ZNF699: variants seen among roughly 807,000 people sequenced by gnomAD.
ZNF699 encodes the protein zinc finger protein 699, also known as hangover homolog.
In ZNF699, 18 loss-of-function variants were observed where a neutral mutation model predicts 22.5. The observed-to-expected ratio is 0.80, with a 90% CI of 0.55 to 1.19. The LOEUF (loss-of-function observed/expected upper bound fraction) is 1.19, where lower values mean the gene tolerates loss of function less well. Among genes scored for constraint, ZNF699 ranks in the 50% most tolerant of loss-of-function variants. The pLI is 0.00. For synonymous variants in ZNF699, 241 were observed against 262.3 expected (o/e 0.92, Z 0.78); for missense variants, 670 against 763.4 (o/e 0.88, Z 1.44).
intron 1 of ZNF699, among the ~76,000 whole-genome samples, chr19:9,306,131 C>T (rs1429144787): frequency 5.9e-5 from 9 of 151,936 alleles, no homozygotes; most frequent in African/African-American, 1.7e-4. Context: ...TGGTGGCTCA[C>T]GCCTGTAATC....
In ZNF699 at chr19:9,296,943, A is replaced by C. The variant is rs2066289236; in HGVS notation, c.471-10T>G. ...CTCTACCATATGATTTCTTTTAAAA[A>C]TAAAAGACACATTATTAGTAATAAA... is the stretch of plus-strand genomic sequence containing the variant. On this transcript the variant is annotated splice_polypyrimidine_tract_variant and intron_variant, in intron 5 of 5. Transcript: ENST00000591998. The C allele has an allele frequency of 6.5e-7, 1 of 1,546,642 alleles. No individual in the cohort carries two copies. The highest frequency in any genetic ancestry group is 8.8e-7 in the Non-Finnish European group (1 of 1,138,538).
rs760025636 is a variant in ZNF699, at chr19:9,296,448, G to C, written c.956C>G (p.Ser319Cys). 6.2e-7 allele frequency: 1 copy of C among 1,613,750 alleles called. No homozygotes were observed. Among genetic ancestry groups the C allele is most frequent in the African/African-American group, 1.3e-5 (1 of 74,802 alleles). ...CKECGKAFSCSSSLSKHKRIH... is the reference protein window; with the variant it reads ...CKECGKAFSCCSSLSKHKRIH... The stretch of plus-strand genomic sequence containing the variant: ...TCTTTTGTGTTTGGAGAGTGAGGAG[G>C]AACAACTGAAGGCCTTCCCACATTC... The change falls in exon 6 of 6, where the codon TCC (serine) becomes TGC (cysteine). Residue 319 changes from serine (S) to cysteine (C), a missense_variant. Transcript: ENST00000591998.
In ZNF699 at chr19:9,298,013, C is replaced by G. The variant is rs144916883; in HGVS notation, c.176-23G>C. 151 of 1,473,116 alleles carry G rather than the reference C, an allele frequency of 1.0e-4. No individual in the cohort carries two copies. In the African/African-American group the frequency reaches 1.9e-3, roughly 18 times the overall value. The allele number at this position is 1,473,116 out of a possible 1,614,324, so 91.3% of individuals were successfully genotyped here. ...ACCCTGCACAAGCAGAAAGGCATAT[C>G]ACGAGGGAAAATAATGAAGAATCAC... is the stretch of plus-strand genomic sequence containing the variant. On this transcript the variant is annotated intron_variant, in intron 3 of 5. Transcript: ENST00000591998.
At chr19:9,299,582 C>T (rs920675899) in intron 3 of ZNF699, among the ~76,000 whole-genome samples, 3 of 152,040 alleles carry the variant, frequency 2.0e-5, no homozygotes, top group Admixed American at 2.0e-4. Context: ...GGACTACCAG[C>T]GCGTGCCCCC....
chr19:9,305,923 C>G (rs1021326189), intron 1 of ZNF699, among the ~76,000 whole-genome samples: 6 of 151,916 alleles, frequency 3.9e-5, no homozygotes, highest in African/African-American at 1.4e-4. Context: ...AGGATGGTGT[C>G]AATCTCCTGA....
chr19:9,300,320 T>C (rs896929505), intron 3 of ZNF699, among the ~76,000 whole-genome samples: 1 of 152,168 alleles, frequency 6.6e-6, no homozygotes, highest in African/African-American at 2.4e-5. Flanking sequence ...GACCTCGTGA[T>C]CCACCCGCCT....
chr19:9,301,130 A>G (rs2066305644), intron 3 of ZNF699, among the ~76,000 whole-genome samples: 1 of 142,018 alleles, frequency 7.0e-6, no homozygotes, highest in Admixed American at 6.9e-5. Flanking sequence ...AAAGCCTACA[A>G]AAAAAAAAGA....
rs755517613 is a variant in ZNF699, at chr19:9,296,848, G to T, written c.556C>A (p.Leu186Ile). Reference sequence around the variant, plus strand: ...GATTTTACTTCAGTATTTCTCTTGAGTGAATCAAGATTTGGAACTTGGCTG... The same window carrying T: ...GATTTTACTTCAGTATTTCTCTTGATTGAATCAAGATTTGGAACTTGGCTG... ...TFSQVPNLDS[L>I]KRNTEVKSCE... Residue 186 changes from leucine to isoleucine, a missense_variant, in exon 6 of 6, where the codon CTC (leucine) becomes ATC (isoleucine). Coordinates refer to ENST00000591998, the MANE Select transcript of ZNF699 (RefSeq NM_198535.3). 1 of 1,613,902 alleles carries T rather than the reference G, an allele frequency of 6.2e-7. No individual in the cohort carries two copies. The highest frequency in any genetic ancestry group is 8.5e-7 in the Non-Finnish European group (1 of 1,179,934).
At position 9,296,911 on chromosome 19, in the gene ZNF699, A is replaced by G; in HGVS notation, c.493T>C (p.Tyr165His). Residue 165 changes from tyrosine to histidine, a missense_variant, in exon 6 of 6, where the codon TAT (tyrosine) becomes CAT (histidine). Coordinates refer to ENST00000591998, the MANE Select transcript of ZNF699 (RefSeq NM_198535.3). ...TCTTGATTTTCTTCATAACATTCAT[A>G]GATGTTCTCTACCATATGATTTCTT... is the stretch of plus-strand genomic sequence containing the variant. The part of the protein sequence containing the change: ...HLRNHMVENI[Y>H]ECYEENQDGQ... 6.2e-7 allele frequency: 1 copy of G among 1,608,840 alleles called. No individual in the cohort carries two copies. Among genetic ancestry groups the G allele is most frequent in the Non-Finnish European group, 8.5e-7 (1 of 1,175,772 alleles).
intron 3 of ZNF699, among the ~76,000 whole-genome samples, chr19:9,301,282 A>C (rs1482024538): frequency 2.0e-5 from 3 of 152,106 alleles, no homozygotes; most frequent in African/African-American, 7.2e-5. Flanking sequence ...TGTCCTTATA[A>C]GGAGACAGAG....
rs1555723775 is a variant in ZNF699 at position 9,294,103 on chromosome 19, T to TA, written c.*1371dup. 1.3e-5 allele frequency among the ~76,000 whole-genome samples: 2 copies of TA among 152,262 alleles called. No homozygotes were observed. Among genetic ancestry groups the TA allele is most frequent in the East Asian group, 3.9e-4 (2 of 5,186 alleles). On this transcript the variant is annotated 3_prime_UTR_variant, in exon 6 of 6. Coordinates refer to ENST00000591998, the MANE Select transcript of ZNF699 (RefSeq NM_198535.3). The stretch of plus-strand genomic sequence containing the variant: ...TTGCGAACGTATTTTTCCCCATGAA[T>TA]AGCATGACATGATGCGATTGGACTG...
At chr19:9,305,224 T>A in intron 1 of ZNF699, 100 bp from the exon 2 acceptor site, 1 of 885,860 alleles carries the variant, frequency 1.1e-6, no homozygotes, top group Non-Finnish European at 1.8e-6. Flanking sequence ...GCCTGGATGT[T>A]GCAGCCCATC....
Position 9,292,176 on chromosome 19 carries a change from A to G in ZNF699, c.*3299T>C, listed in dbSNP as rs1339252840. Among the ~76,000 whole-genome samples, 1 of 151,718 alleles carries G rather than the reference A, an allele frequency of 6.6e-6. No homozygotes were observed. The highest frequency in any genetic ancestry group is 1.5e-5 in the Non-Finnish European group (1 of 67,960). ...CACTGCTTTTAGATCCTACCTGCCC[A>G]CTCCTTCCTCCTCCCCTCTGCATAT... On this transcript the variant is annotated 3_prime_UTR_variant, in exon 6 of 6. Coordinates refer to ENST00000591998, the MANE Select transcript of ZNF699 (RefSeq NM_198535.3).
At position 9,306,037 on chromosome 19, in the gene ZNF699, A is replaced by G. The variant is rs185494515; in HGVS notation, c.-5-913T>C. 5.0e-4 allele frequency among the ~76,000 whole-genome samples: 76 copies of G among 150,778 alleles called. 1 individual carries two copies. The highest frequency in any genetic ancestry group is 1.8e-3 in the African/African-American group (73 of 41,214). On this transcript the variant is annotated intron_variant, in intron 1 of 5. Coordinates refer to ENST00000591998, the MANE Select transcript of ZNF699 (RefSeq NM_198535.3). Reference sequence around the variant, plus strand: ...CTATTGAATTCCATATGCTGGAGGCAGAGAAGGCCGCTATGCTGTGATACA... The same window carrying G: ...CTATTGAATTCCATATGCTGGAGGCGGAGAAGGCCGCTATGCTGTGATACA...
Position 9,295,948 on chromosome 19 carries a change from G to T in ZNF699, c.1456C>A (p.Arg486Ser), listed in dbSNP as rs758796147. The T allele has an allele frequency of 1.9e-6, 3 of 1,613,746 alleles. No homozygotes were observed. The highest frequency in any genetic ancestry group is 4.5e-5 in the East Asian group (2 of 44,798). ...ECKECGKTFSRSSSLTEHLRT... is the reference protein window; with the variant it reads ...ECKECGKTFSSSSSLTEHLRT... ...AGGTGTTCGGTGAGGGATGAGGAAC[G>T]ACTAAAGGTCTTCCCACACTCCTTA... The change falls in exon 6 of 6, where the codon CGT (arginine) becomes AGT (serine). Residue 486 changes from arginine (R) to serine (S), a missense_variant. Physicochemically the swap from Arg to Ser is moderately radical, Grantham distance 110. Coordinates refer to ENST00000591998, the MANE Select transcript of ZNF699 (RefSeq NM_198535.3).
rs2066310108 is a variant in ZNF699 at position 9,302,199 on chromosome 19, C to T, written c.175+179G>A. 3.3e-5 allele frequency among the ~76,000 whole-genome samples: 5 copies of T among 152,166 alleles called. No homozygotes were observed. The South Asian group carries it at 1.0e-3, about 32-fold the overall frequency. On this transcript the variant is annotated intron_variant, in intron 3 of 5. Coordinates refer to ENST00000591998, the MANE Select transcript of ZNF699 (RefSeq NM_198535.3). ...TTACAGGCATGAGCACTGCGCCCGG[C>T]CCAGGTGTTTATTTTCATAGCAAAG...
chr19:9,299,593 C>T (rs1264652134), intron 3 of ZNF699, among the ~76,000 whole-genome samples: 2 of 152,104 alleles, frequency 1.3e-5, no homozygotes. Flanking sequence ...GCGTGCCCCC[C>T]ACACCCTGGC....
chr19:9,293,548 T>C lies in ZNF699; in HGVS notation c.*1927A>G, dbSNP rs1258995060. 6.6e-6 allele frequency among the ~76,000 whole-genome samples: 1 copy of C among 152,178 alleles called. No homozygotes were observed. Among genetic ancestry groups the C allele is most frequent in the African/African-American group, 2.4e-5 (1 of 41,430 alleles). ...AAGTCAAAACACATAACTGTATATATTGTATTTTAACATTTGGATGAAAAT... is the reference window on the plus strand; with the variant it reads ...AAGTCAAAACACATAACTGTATATACTGTATTTTAACATTTGGATGAAAAT... On this transcript the variant is annotated 3_prime_UTR_variant, in exon 6 of 6. Transcript: ENST00000591998.
Position 9,304,644 on chromosome 19 carries a change from G to A in ZNF699, c.48+428C>T, listed in dbSNP as rs191377396. ...GAATTGCAATAGAAACACTACGGCC[G>A]GCCGGGCACGGTGGCTCATGCCTGT... On this transcript the variant is annotated intron_variant, in intron 2 of 5. Transcript: ENST00000591998. Among the ~76,000 whole-genome samples, 270 of 152,308 alleles carry A rather than the reference G, an allele frequency of 1.8e-3. 6 individuals are homozygous for A. Among genetic ancestry groups the A allele is most frequent in the Admixed American group, 0.017 (259 of 15,290 alleles).
Sources: gnomAD v4.1 joint callset for allele counts (sites outside exome capture counted in the v4.1 genomes callset) on GRCh38, gnomAD v4.1.1 for gene constraint, MANE v1.5 for transcripts, NCBI Gene and HGNC (gene_info 2026-07-23, HGNC 2026-07-21) for gene names.